The following RASGRP3 variants were observed in gnomAD, a reference collection of about 807,000 sequenced individuals.
RASGRP3 encodes the protein RAS guanyl releasing protein 3.
In RASGRP3, 54 loss-of-function variants were observed where a neutral mutation model predicts 82.7. The ratio of observed to expected loss-of-function variants is 0.65; its 90% CI spans 0.52 to 0.82. The LOEUF (loss-of-function observed/expected upper bound fraction) is 0.82. Ranked by LOEUF, RASGRP3 falls within the 40% of genes least tolerant of loss-of-function variation. The pLI is 0.00. For missense variants in RASGRP3, 861 were observed against 828.9 expected, an observed-to-expected ratio of 1.04 and a Z score of -0.48; for synonymous variants, 309 against 300.5, an observed-to-expected ratio of 1.03 and a Z score of -0.29.
At chr2:33,486,354 G>A (rs1156493734) in intron 1 of RASGRP3, among the ~76,000 whole-genome samples, 1 of 152,004 alleles carries the variant, frequency 6.6e-6, no homozygotes, top group East Asian at 1.9e-4. Flanking sequence ...TTTTAGTAGA[G>A]ATGGGGTTTT....
chr2:33,510,151 G>C (rs1215075293), intron 1 of RASGRP3, among the ~76,000 whole-genome samples: 1 of 152,180 alleles, frequency 6.6e-6, no homozygotes, highest in Non-Finnish European at 1.5e-5. Flanking sequence ...AGATATTTAT[G>C]TAGTCATTTA....
intron 1 of RASGRP3, among the ~76,000 whole-genome samples, chr2:33,495,455 C>A (rs886146585): frequency 1.3e-5 from 2 of 152,180 alleles, no homozygotes; most frequent in African/African-American, 2.4e-5. Context: ...CAGTAATGTT[C>A]CCTCACCCGC....
Position 33,534,325 on chromosome 2 carries a change from T to G in RASGRP3, c.1086T>G (p.Leu362=). The part of the protein sequence containing the change: ...PNMDLINLLT[L]SLDLYHTEDD... ...TATCCCTTCTAATTTTGTTGTAGCTTTCCCTGGACCTCTATCACACTGAAG... is the reference window on the plus strand; with the variant it reads ...TATCCCTTCTAATTTTGTTGTAGCTGTCCCTGGACCTCTATCACACTGAAG... Residue 362 remains leucine, a splice_region_variant and synonymous_variant, in exon 11 of 18, where the codon CTT becomes CTG. Transcript: ENST00000403687. 6.4e-7 allele frequency: 1 copy of G among 1,561,492 alleles called. No homozygotes were observed. Among genetic ancestry groups the G allele is most frequent in the Non-Finnish European group, 8.8e-7 (1 of 1,133,648 alleles).
chr2:33,540,556 T>TGTGTGTGTGTG lies in RASGRP3; in HGVS notation c.1278+1346_1278+1347insGTGTGTGTGTG, dbSNP rs1558506275. Among the ~76,000 whole-genome samples, 5 of 38,626 alleles carry TGTGTGTGTGTG rather than the reference T, an allele frequency of 1.3e-4. 1 individual carries two copies. Among genetic ancestry groups the TGTGTGTGTGTG allele is most frequent in the Non-Finnish European group, 2.3e-4 (5 of 22,198 alleles). 25.3% of individuals were successfully genotyped at this position (38,626 alleles called of 152,430 possible). On this transcript the variant is annotated intron_variant, in intron 12 of 17. Transcript: ENST00000403687. ...CTCTCTCTCTCTCTGTGTGTGTGTT[T>TGTGTGTGTGTG]TGTGTGTGTGTGTGTGTGTGTGTGT...
intron 13 of RASGRP3, among the ~76,000 whole-genome samples, chr2:33,548,002 A>G (rs1674968014): frequency 6.6e-6 from 1 of 152,184 alleles, no homozygotes; most frequent in Non-Finnish European, 1.5e-5. Context: ...AGTGGCATAA[A>G]CAGTACCTGG....
chr2:33,539,106 C>G lies in RASGRP3; in HGVS notation c.1174C>G (p.Pro392Ala), dbSNP rs1271590462. The G allele has an allele frequency of 6.2e-7, 1 of 1,606,602 alleles. No homozygotes were observed. Among genetic ancestry groups the G allele is most frequent in the East Asian group, 2.2e-5 (1 of 44,620 alleles). ...TTTTGTTTATCAGCAGCCTACCTCCCCTACGACGCCCAACAAGCCTGTGGT... is the reference window on the plus strand; with the variant it reads ...TTTTGTTTATCAGCAGCCTACCTCCGCTACGACGCCCAACAAGCCTGTGGT... ...PRNSKSQPTS[P>A]TTPNKPVVPL... Residue 392 changes from proline to alanine, a missense_variant, in exon 12 of 18, where the codon CCT becomes GCT. Transcript: ENST00000403687.
intron 1 of RASGRP3, among the ~76,000 whole-genome samples, chr2:33,483,384 G>A (rs901821167): frequency 6.6e-6 from 1 of 151,846 alleles, no homozygotes; most frequent in African/African-American, 2.4e-5. Flanking sequence ...TCAACTCTTA[G>A]TATGTTCCAG....
At chr2:33,525,355 T>C (rs1672442443) in intron 9 of RASGRP3, among the ~76,000 whole-genome samples, 1 of 151,446 alleles carries the variant, frequency 6.6e-6, no homozygotes, top group Non-Finnish European at 1.5e-5. Context: ...TATATATATA[T>C]ATTAGAAACA....
intron 2 of RASGRP3, among the ~76,000 whole-genome samples, chr2:33,455,615 C>T (rs987313604): frequency 4.6e-5 from 7 of 152,208 alleles, no homozygotes; most frequent in African/African-American, 1.7e-4. Flanking sequence ...AAAGGCAGAC[C>T]GCCCGAGGAG....
chr2:33,462,696 G>A (rs766683504), intron 2 of RASGRP3, among the ~76,000 whole-genome samples: 7 of 152,158 alleles, frequency 4.6e-5, no homozygotes, highest in Non-Finnish European at 8.8e-5. Context: ...GTTTCTAACT[G>A]CACTTTTCCT....
chr2:33,536,926 T>C (rs1390559378), intron 11 of RASGRP3, among the ~76,000 whole-genome samples: 1 of 152,158 alleles, frequency 6.6e-6, no homozygotes, highest in Non-Finnish European at 1.5e-5. Flanking sequence ...CAGTTAATGC[T>C]CTTTTAGCAG....
chr2:33,558,491 C>A (rs930569799), intron 16 of RASGRP3, among the ~76,000 whole-genome samples, 155 bp downstream of exon 16: 3 of 152,156 alleles, frequency 2.0e-5, no homozygotes, highest in African/African-American at 7.2e-5. Flanking sequence ...CTTGAATCAT[C>A]CTTGCTTCTC....
At chr2:33,465,291 T>A (rs1163134401) in intron 2 of RASGRP3, among the ~76,000 whole-genome samples, 4 of 152,214 alleles carry the variant, frequency 2.6e-5, no homozygotes, top group African/African-American at 9.6e-5. Context: ...AAAGTCCTAA[T>A]TCTCTTCAAT....
chr2:33,549,540 G>A (rs576360953), intron 13 of RASGRP3, 64 bp from the exon 14 acceptor site: 6 of 1,481,970 alleles, frequency 4.0e-6, no homozygotes, highest in African/African-American at 1.4e-5. Context: ...GGTGATTAAA[G>A]TGTGGCAACT....
chr2:33,476,874 G>A (rs1007765838), intron 1 of RASGRP3, among the ~76,000 whole-genome samples, 167 bp downstream of exon 1: 1 of 151,536 alleles, frequency 6.6e-6, no homozygotes, highest in Non-Finnish European at 1.5e-5. Context: ...ATTTGTACCT[G>A]TTAACAGCCA....
chr2:33,466,156 C>G (rs560171859), intron 2 of RASGRP3, among the ~76,000 whole-genome samples: 1 of 152,202 alleles, frequency 6.6e-6, no homozygotes, highest in African/African-American at 2.4e-5. Context: ...ATTTAAGAGA[C>G]ACATTTTGTA....
chr2:33,499,892 T>A (rs1367625277), intron 1 of RASGRP3, among the ~76,000 whole-genome samples: 3 of 152,202 alleles, frequency 2.0e-5, no homozygotes, highest in Non-Finnish European at 4.4e-5. Flanking sequence ...GGCACACTTC[T>A]GGGCTAGGGG....
intron 11 of RASGRP3, among the ~76,000 whole-genome samples, chr2:33,535,488 C>G (rs912594391): frequency 6.6e-6 from 1 of 152,206 alleles, no homozygotes; most frequent in Non-Finnish European, 1.5e-5. Context: ...GACTATGCCC[C>G]CTAAGTTTAT....
intron 2 of RASGRP3, among the ~76,000 whole-genome samples, chr2:33,460,076 T>G (rs1666275383): frequency 6.6e-6 from 1 of 152,232 alleles, no homozygotes; most frequent in South Asian, 2.1e-4. Context: ...CATTAGCAAC[T>G]AAAGATACAT....
Sources: gnomAD v4.1 joint callset for allele counts (sites outside exome capture counted in the v4.1 genomes callset) on GRCh38, gnomAD v4.1.1 for gene constraint, MANE v1.5 for transcripts, NCBI Gene and HGNC (gene_info 2026-07-23, HGNC 2026-07-21) for gene names.